The following ITK variants were observed in gnomAD, a reference collection of about 807,000 sequenced individuals.
The protein encoded by ITK is tyrosine-protein kinase ITK/TSK.
In ITK, 45 loss-of-function variants were observed where a neutral mutation model predicts 87.6. The ratio of observed to expected loss-of-function variants is 0.51; its 90% CI spans 0.40 to 0.66. The LOEUF (loss-of-function observed/expected upper bound fraction) is 0.66. ITK is among the 30% of genes least tolerant of loss of function. ITK has a pLI of 0.00. For missense variants in ITK, 605 were observed against 766.3 expected (o/e 0.79, Z 2.48); for synonymous variants, 303 against 273.6 (o/e 1.11, Z -1.06).
intron 1 of ITK, among the ~76,000 whole-genome samples, chr5:157,200,771 C>G (rs1753954274): frequency 6.6e-6 from 1 of 152,158 alleles, no homozygotes; most frequent in African/African-American, 2.4e-5. Context: ...TGTTAAGGCA[C>G]AGGCACAAAG....
At chr5:157,214,044 G>T in intron 3 of ITK, 147 bp from the exon 4 acceptor site, 2 of 759,100 alleles carry the variant, frequency 2.6e-6, no homozygotes, top group Non-Finnish European at 4.8e-6. Flanking sequence ...GCATTTATGC[G>T]CTCAGATCAA....
At position 157,209,005 on chromosome 5, in the gene ITK, AG is replaced by A. The variant is rs759525228; in HGVS notation, c.243+14del. ...AATACCCGTTTCAGGTAAGTCCATC[AG>A]GTGGGTAGTTCCCCATTCCCTGGAC... On this transcript the variant is annotated intron_variant, in intron 2 of 16. Transcript: ENST00000422843. 2.6e-6 allele frequency: 4 copies of A among 1,548,156 alleles called. No individual in the cohort carries two copies. In the African/African-American group the frequency reaches 5.4e-5, roughly 21 times the overall value.
At chr5:157,210,883 G>C (rs957072541) in intron 2 of ITK, among the ~76,000 whole-genome samples, 1 of 151,726 alleles carries the variant, frequency 6.6e-6, no homozygotes, top group Non-Finnish European at 1.5e-5. Context: ...CTTCTTGTGA[G>C]TCTTAAACTA....
At chr5:157,182,817 A>G (rs1186799028) in intron 1 of ITK, among the ~76,000 whole-genome samples, 1 of 152,208 alleles carries the variant, frequency 6.6e-6, no homozygotes, top group Non-Finnish European at 1.5e-5. Flanking sequence ...TCCTTAGCCC[A>G]ACTGCTATTT....
chr5:157,181,175 A>G, intron 1 of ITK, 60 bp downstream of exon 1: 1 of 1,519,730 alleles, frequency 6.6e-7, no homozygotes, highest in African/African-American at 1.4e-5. Flanking sequence ...GACTGGGCTA[A>G]TGCAAAAATA....
At chr5:157,212,247 T>C (rs989449461) in intron 3 of ITK, among the ~76,000 whole-genome samples, 6 of 152,242 alleles carry the variant, frequency 3.9e-5, no homozygotes, top group African/African-American at 1.4e-4. Flanking sequence ...GTTACCATTA[T>C]TGTTCTTTAG....
At chr5:157,218,602 T>C (rs1281717272) in intron 5 of ITK, among the ~76,000 whole-genome samples, 3 of 152,150 alleles carry the variant, frequency 2.0e-5, no homozygotes, top group Non-Finnish European at 2.9e-5. Flanking sequence ...TTCAAAGCAC[T>C]TCCACCCCTT....
At chr5:157,239,392 G>A (rs1376713686) in intron 9 of ITK, among the ~76,000 whole-genome samples, 1 of 152,140 alleles carries the variant, frequency 6.6e-6, no homozygotes, top group South Asian at 2.1e-4. Flanking sequence ...AGTCTACCAG[G>A]GGAGCTCATT....
intron 16 of ITK, among the ~76,000 whole-genome samples, chr5:157,249,289 G>A (rs934719739): frequency 7.2e-5 from 11 of 152,294 alleles, no homozygotes; most frequent in African/African-American, 1.9e-4. Context: ...CTTCCTTCTC[G>A]ATTTTCTGAG....
chr5:157,209,918 A>C (rs1191846728), intron 2 of ITK, among the ~76,000 whole-genome samples: 2 of 149,144 alleles, frequency 1.3e-5, no homozygotes, highest in Admixed American at 1.4e-4. Flanking sequence ...TGTTCCTATC[A>C]CTGCAGAAAT....
At chr5:157,206,049 C>T (rs189129329) in intron 1 of ITK, among the ~76,000 whole-genome samples, 35 of 144,964 alleles carry the variant, frequency 2.4e-4, no homozygotes, top group Middle Eastern at 3.8e-3. Context: ...GATCTTGGCT[C>T]ACTGCAACTT....
At chr5:157,206,678 G>A (rs1193232129) in intron 1 of ITK, among the ~76,000 whole-genome samples, 2 of 152,170 alleles carry the variant, frequency 1.3e-5, no homozygotes, top group South Asian at 4.1e-4. Context: ...GTGCATAGAG[G>A]TGTTCATAGT....
intron 1 of ITK, among the ~76,000 whole-genome samples, chr5:157,198,193 A>C (rs961408684): frequency 6.6e-6 from 1 of 152,068 alleles, no homozygotes; most frequent in African/African-American, 2.4e-5. Flanking sequence ...GACCACCCAC[A>C]CAGGTATCTG....
chr5:157,236,743 G>C (rs1489276548), intron 8 of ITK, among the ~76,000 whole-genome samples: 1 of 152,090 alleles, frequency 6.6e-6, no homozygotes, highest in East Asian at 1.9e-4. Flanking sequence ...CACCAAGAAT[G>C]AATAAAATGG....
chr5:157,237,488 A>G (rs1037334645), intron 8 of ITK, among the ~76,000 whole-genome samples: 10 of 152,222 alleles, frequency 6.6e-5, no homozygotes, highest in African/African-American at 2.4e-4. Flanking sequence ...AACACGCAAT[A>G]TGTCCATGTA....
At chr5:157,229,717 C>G (rs1039744879) in intron 7 of ITK, among the ~76,000 whole-genome samples, 6 of 152,034 alleles carry the variant, frequency 3.9e-5, no homozygotes, top group Non-Finnish European at 7.4e-5. Context: ...AGTTTGAGAC[C>G]AGGCTGACCA....
Position 157,214,820 on chromosome 5 carries a change from G to A in ITK, c.454+501G>A, listed in dbSNP as rs1276437772. Among the ~76,000 whole-genome samples the A allele has an allele frequency of 2.0e-5, 3 of 152,302 alleles. No individual in the cohort carries two copies. In the East Asian group the frequency reaches 5.8e-4, roughly 29 times the overall value. On this transcript the variant is annotated intron_variant, in intron 4 of 16. Coordinates refer to ENST00000422843, the MANE Select transcript of ITK (RefSeq NM_005546.4). ...AATTCAACTCTATACCCTTAAAGGT[G>A]AGAGGAATTTTTTTTCTTTTACATT... is the stretch of plus-strand genomic sequence containing the variant.
intron 9 of ITK, 71 bp from the exon 10 acceptor site, chr5:157,239,991 T>C: frequency 1.4e-6 from 2 of 1,450,224 alleles, no homozygotes; most frequent in Admixed American, 3.5e-5. Flanking sequence ...AAGAACTTAA[T>C]ACTCGTAGAC....
intron 1 of ITK, among the ~76,000 whole-genome samples, chr5:157,193,348 G>A (rs1753788793): frequency 6.6e-6 from 1 of 152,208 alleles, no homozygotes; most frequent in Non-Finnish European, 1.5e-5. Flanking sequence ...TAATAACTGT[G>A]TGGCTCATGA....
Sources: allele counts gnomAD v4.1 joint callset (sites outside exome capture counted in the v4.1 genomes callset), GRCh38; gene constraint gnomAD v4.1.1; transcripts MANE v1.5; gene names NCBI Gene and HGNC (gene_info 2026-07-23, HGNC 2026-07-21).